Variants in RPS24 observed in about 807,000 individuals in gnomAD.
RPS24 encodes the protein small ribosomal subunit protein eS24.
For missense variants in RPS24, 100 were observed against 162.5 expected, an observed-to-expected ratio of 0.62 and a Z score of 2.09; for synonymous variants, 72 against 55.6, an observed-to-expected ratio of 1.30 and a Z score of -1.31.
chr10:78,035,594 A>G lies in RPS24; in HGVS notation c.153A>G (p.Thr51=), dbSNP rs1367129065. The G allele has an allele frequency of 1.2e-6, 2 of 1,613,542 alleles. No homozygotes were observed. The highest frequency in any genetic ancestry group is 1.7e-6 in the Non-Finnish European group (2 of 1,180,000). The change falls in exon 3 of 6, where the codon ACA becomes ACG. Residue 51 remains threonine (T), a synonymous_variant. Coordinates refer to ENST00000372360, the MANE Select transcript of RPS24 (RefSeq NM_033022.4). ...AACTAGCCAAAATGTACAAGACCAC[A>G]CCGGATGTCATCTTTGTATTTGGAT... ...REKLAKMYKT[T]PDVIFVFGFR... is the part of the protein sequence containing the mutation.
chr10:78,040,169 CCTTTCT>C, intron 4 of RPS24, 29 bp from the exon 5 acceptor site: 4 of 1,608,124 alleles, frequency 2.5e-6, no homozygotes, highest in Non-Finnish European at 3.4e-6. Flanking sequence ...TCTTTTCCCT[CCTTTCT>C]CTTTTTCCCT....
At chr10:78,053,063 G>C (rs554326175) in intron 4 of RPS24, among the ~76,000 whole-genome samples, 19 of 151,986 alleles carry the variant, frequency 1.3e-4, no homozygotes, top group South Asian at 2.1e-4. Flanking sequence ...TGAGGCAGGA[G>C]AATCGCTTGA....
chr10:78,048,576 GT>G (rs1403036386), intron 4 of RPS24, among the ~76,000 whole-genome samples: 1 of 152,162 alleles, frequency 6.6e-6, no homozygotes, highest in African/African-American at 2.4e-5. Flanking sequence ...TATTCAGAGA[GT>G]CTGGTTAGAA....
At chr10:78,052,297 A>G (rs1465122808) in intron 4 of RPS24, among the ~76,000 whole-genome samples, 1 of 152,078 alleles carries the variant, frequency 6.6e-6, no homozygotes, top group Non-Finnish European at 1.5e-5. Context: ...AAGTGCTGGG[A>G]TTACAGGTGA....
downstream of RPS24, among the ~76,000 whole-genome samples, chr10:78,044,682 C>T (rs1013064442): frequency 3.3e-5 from 5 of 150,882 alleles, no homozygotes; most frequent in African/African-American, 1.2e-4. Context: ...GACCTGCCTC[C>T]CAGTGCCCAC....
At chr10:78,036,361 G>A (rs528397462) in intron 3 of RPS24, 4 of 156,962 alleles carry the variant, frequency 2.5e-5, no homozygotes, top group African/African-American at 9.6e-5. Context: ...GGAGTGCAGT[G>A]GTACAATCTC....
intron 4 of RPS24, chr10:78,037,862 T>C: frequency 1.3e-6 from 1 of 775,260 alleles, no homozygotes; most frequent in South Asian, 1.6e-5. Context: ...AATTAAGGTG[T>C]TGGGTTGTTA....
At chr10:78,044,870 T>C (rs1848027319), downstream of RPS24, among the ~76,000 whole-genome samples, 1 of 151,656 alleles carries the variant, frequency 6.6e-6, no homozygotes, top group Non-Finnish European at 1.5e-5. Context: ...TGTGTGTTCT[T>C]TTCACATGCC....
intron 4 of RPS24, among the ~76,000 whole-genome samples, chr10:78,048,824 G>A (rs1402406821): frequency 1.4e-5 from 2 of 146,366 alleles, no homozygotes; most frequent in Admixed American, 6.9e-5. Context: ...GCAGTGAGCC[G>A]CGATTGCACC....
At chr10:78,049,045 C>T (rs982475414) in intron 4 of RPS24, 4 of 152,118 alleles carry the variant, frequency 2.6e-5, no homozygotes, top group Admixed American at 6.5e-5. Context: ...GCATGCAAGA[C>T]GGGCTGCTTT....
At chr10:78,037,061 T>A (rs933942306) in intron 3 of RPS24, 133 bp from the exon 4 acceptor site, 20 of 1,057,592 alleles carry the variant, frequency 1.9e-5, no homozygotes, top group Non-Finnish European at 2.8e-5. Context: ...AAACATGCAT[T>A]AAATGTACTT....
chr10:78,040,584 G>T (rs373584279), intron 5 of RPS24, 31 bp from the exon 6 acceptor site: 1 of 1,545,282 alleles, frequency 6.5e-7, no homozygotes, highest in African/African-American at 1.4e-5. Context: ...AAAGGCAGTT[G>T]TTGACTAAAC....
At chr10:78,049,302 C>T (rs7092487) in intron 4 of RPS24, 28,033 of 152,120 alleles carry the variant, frequency 0.18, 5,807 homozygotes, top group African/African-American at 0.5. Context: ...TCTCACAGAG[C>T]GTGTCACTGG....
downstream of RPS24, among the ~76,000 whole-genome samples, chr10:78,042,817 G>A (rs1848000095): frequency 6.6e-6 from 1 of 152,128 alleles, no homozygotes; most frequent in Non-Finnish European, 1.5e-5. Flanking sequence ...CATGAGTTCT[G>A]TTTGTAGCTG....
intron 4 of RPS24, 117 bp from the exon 5 acceptor site, chr10:78,040,087 T>C: frequency 1.1e-6 from 1 of 925,362 alleles, no homozygotes; most frequent in Non-Finnish European, 1.8e-6. Context: ...TGGTCATCTT[T>C]AAGGTACCTG....
chr10:78,040,831 T>G (rs762349091), downstream of RPS24: 3 of 671,186 alleles, frequency 4.5e-6, no homozygotes, highest in Non-Finnish European at 7.7e-6. Flanking sequence ...GGGGTGGTGT[T>G]TGTTTGCTGC....
intron 4 of RPS24, among the ~76,000 whole-genome samples, chr10:78,047,226 A>G (rs922435132): frequency 4.6e-5 from 7 of 151,990 alleles, no homozygotes; most frequent in Admixed American, 2.6e-4. Context: ...TCGGCCTCCA[A>G]AAGTGCTGGG....
rs1589328378 is a variant in RPS24 at position 78,037,307 on chromosome 10, A to G, written c.390+3A>G. 1 of 1,592,228 alleles carries G rather than the reference A, an allele frequency of 6.3e-7. No individual in the cohort carries two copies. The highest frequency in any genetic ancestry group is 1.8e-5 in the Admixed American group (1 of 56,320). ...CCAATGTTGGTGCTGGCAAAAAGGT[A>G]TAGTTCATTAAGGAAAATATAGAAA... On this transcript the variant is annotated splice_donor_region_variant and intron_variant, in intron 4 of 5. Transcript: ENST00000372360.
exon 5 of RPS24, chr10:78,054,763 C>T (rs763771524): frequency 3.8e-5 from 59 of 1,551,516 alleles, no homozygotes; most frequent in Non-Finnish European, 4.7e-5. Context: ...TGCTGCCAGG[C>T]GTGCCTTTTG....
Sources: allele counts gnomAD v4.1 joint callset (sites outside exome capture counted in the v4.1 genomes callset), GRCh38; gene constraint gnomAD v4.1.1; transcripts MANE v1.5; gene names NCBI Gene and HGNC (gene_info 2026-07-23, HGNC 2026-07-21).